OR10J1: variants seen among roughly 807,000 people sequenced by gnomAD.
OR10J1 encodes the protein olfactory receptor family 10 subfamily J member 1.
For synonymous variants in OR10J1, 202 were observed against 143.8 expected, an observed-to-expected ratio of 1.40 and a Z score of -2.89; for missense variants, 474 against 376.6, an observed-to-expected ratio of 1.26 and a Z score of -2.14.
chr1:159,401,606 CA>C, the OR10J1 span, among the ~76,000 whole-genome samples: 1 of 151,714 alleles, frequency 6.6e-6, no homozygotes, highest in East Asian at 1.9e-4. Context: ...GAAGCCATAA[CA>C]AAAAGTTTCC....
At chr1:159,400,999 A>C in the OR10J1 span, among the ~76,000 whole-genome samples, 1 of 152,078 alleles carries the variant, frequency 6.6e-6, no homozygotes, top group Non-Finnish European at 1.5e-5. Flanking sequence ...AAAGTTAAAC[A>C]ATATGTTCCT....
the OR10J1 span, chr1:159,405,735 C>G: frequency 1.2e-6 from 1 of 858,432 alleles, no homozygotes; most frequent in South Asian, 1.4e-5. Flanking sequence ...AGATAAAGAT[C>G]AGGGCAATAT....
upstream of OR10J1, chr1:159,433,272 C>T (rs917723444): frequency 5.0e-6 from 2 of 396,060 alleles, no homozygotes; most frequent in African/African-American, 4.1e-5. Context: ...CTATTCCCCT[C>T]ATAGATTGAA....
At chr1:159,403,558 A>G in the OR10J1 span, among the ~76,000 whole-genome samples, 33 of 152,240 alleles carry the variant, frequency 2.2e-4, no homozygotes, top group Non-Finnish European at 4.1e-4. Flanking sequence ...TCAAAACTAC[A>G]GTGAGATATC....
the OR10J1 span, among the ~76,000 whole-genome samples, chr1:159,400,427 G>T: frequency 6.6e-6 from 1 of 151,510 alleles, no homozygotes; most frequent in Non-Finnish European, 1.5e-5. Flanking sequence ...AGTCACTATA[G>T]TTATATAAGA....
At chr1:159,411,609 G>A in the OR10J1 span, among the ~76,000 whole-genome samples, 3 of 152,166 alleles carry the variant, frequency 2.0e-5, no homozygotes, top group Admixed American at 1.3e-4. Context: ...CATGAGATGG[G>A]CTTCCTGAAT....
At chr1:159,419,402 G>T in the OR10J1 span, among the ~76,000 whole-genome samples, 20 of 152,192 alleles carry the variant, frequency 1.3e-4, no homozygotes, top group Admixed American at 7.2e-4. Context: ...CATGAGATCT[G>T]ATGGTTTTAT....
the OR10J1 span, among the ~76,000 whole-genome samples, chr1:159,424,862 G>A: frequency 6.6e-6 from 1 of 152,082 alleles, no homozygotes; most frequent in East Asian, 1.9e-4. Context: ...GCCAGATTGA[G>A]TAACTAACAT....
chr1:159,429,710 G>A, the OR10J1 span, among the ~76,000 whole-genome samples: 2 of 152,120 alleles, frequency 1.3e-5, no homozygotes, highest in African/African-American at 4.8e-5. Context: ...ACAGGAGAAT[G>A]GTCCTCTTGG....
At chr1:159,430,640 G>GGTGTGTGTGTGTGT in the OR10J1 span, among the ~76,000 whole-genome samples, 5,986 of 140,840 alleles carry the variant, frequency 0.043, 185 homozygotes, top group Non-Finnish European at 0.063. Context: ...AAAAAATTAT[G>GGTGTGTGTGTGTGT]GTGTGTGTGT....
the OR10J1 span, among the ~76,000 whole-genome samples, chr1:159,429,237 GTTCCCAGTTTCTGCTGTA>G: frequency 6.6e-6 from 1 of 152,228 alleles, no homozygotes; most frequent in Non-Finnish European, 1.5e-5. Flanking sequence ...CAGGTGTAGT[GTTCCCAGTTTCTGCTGTA>G]TTCCATGTTC....
the OR10J1 span, among the ~76,000 whole-genome samples, chr1:159,415,203 G>A: frequency 6.6e-6 from 1 of 151,968 alleles, no homozygotes; most frequent in African/African-American, 2.4e-5. Flanking sequence ...ATAGTTTTGG[G>A]TCTTACATTC....
At chr1:159,400,712 C>T in the OR10J1 span, among the ~76,000 whole-genome samples, 1 of 151,794 alleles carries the variant, frequency 6.6e-6, no homozygotes, top group African/African-American at 2.4e-5. Context: ...GACAGATCTT[C>T]CAGACAGAAA....
chr1:159,426,912 A>G, the OR10J1 span, among the ~76,000 whole-genome samples: 6 of 151,934 alleles, frequency 3.9e-5, no homozygotes, highest in African/African-American at 9.6e-5. Flanking sequence ...AGCACTTTGA[A>G]ATATTTACTC....
the OR10J1 span, among the ~76,000 whole-genome samples, chr1:159,401,529 C>A: frequency 2.6e-5 from 4 of 151,782 alleles, 1 homozygote; most frequent in South Asian, 4.2e-4. Context: ...TAGGTAGATA[C>A]AACCTACCAA....
In OR10J1 at chr1:159,439,896, C is replaced by G; in HGVS notation, c.105C>G (p.Tyr35Ter). 6.2e-7 allele frequency: 1 copy of G among 1,614,194 alleles called. No homozygotes were observed. Among genetic ancestry groups the G allele is most frequent in the Non-Finnish European group, 8.5e-7 (1 of 1,180,024 alleles). The change falls in exon 1 of 1, where the codon TAC becomes TAG. Residue 35 changes from tyrosine to a stop codon, truncating the protein, a stop_gained. Transcript: ENST00000423932. LOFTEE classifies it low-confidence loss of function (END_TRUNC). ...ITLFGVFLAL[Y>*]ILTLAGNIII... ...TTTTTGGCGTGTTCCTTGCACTATA[C>G]ATCTTAACCTTAGCAGGCAATATCA...
the OR10J1 span, among the ~76,000 whole-genome samples, chr1:159,411,895 T>A: frequency 6.6e-6 from 1 of 152,040 alleles, no homozygotes; most frequent in Non-Finnish European, 1.5e-5. Context: ...GGAAGTCAAA[T>A]TGTCCCTGTT....
chr1:159,437,273 C>G (rs1464963814), upstream of OR10J1, among the ~76,000 whole-genome samples: 1 of 152,030 alleles, frequency 6.6e-6, no homozygotes, highest in African/African-American at 2.4e-5. Flanking sequence ...TCCTGAATGC[C>G]ACAGGGCAAG....
At chr1:159,405,927 C>G in the OR10J1 span, 3 of 510,956 alleles carry the variant, frequency 5.9e-6, no homozygotes, top group South Asian at 3.7e-5. Flanking sequence ...GGCCAATCCT[C>G]AGTGACCCAG....
Sources: allele counts gnomAD v4.1 joint callset (sites outside exome capture counted in the v4.1 genomes callset), GRCh38; gene constraint gnomAD v4.1.1; transcripts MANE v1.5; gene names NCBI Gene and HGNC (gene_info 2026-07-23, HGNC 2026-07-21).